The following PAQR5 variants were observed in gnomAD, a reference collection of about 807,000 sequenced individuals.
The protein encoded by PAQR5 is membrane progestin receptor gamma.
PAQR5 carries 20 observed loss-of-function variants against 34.5 expected under a neutral mutation model. The ratio of observed to expected loss-of-function variants is 0.58; its 90% CI spans 0.41 to 0.84. The LOEUF (loss-of-function observed/expected upper bound fraction) is 0.84. Among genes scored for constraint, PAQR5 ranks in the 40% least tolerant of loss-of-function variants. The pLI is 0.00. For synonymous variants in PAQR5, 131 were observed against 155.6 expected (o/e 0.84, Z 1.18); for missense variants, 378 against 412.7 (o/e 0.92, Z 0.73).
chr15:69,325,850 T>A (rs1361661997), intron 1 of PAQR5, among the ~76,000 whole-genome samples: 1 of 152,042 alleles, frequency 6.6e-6, no homozygotes, highest in Non-Finnish European at 1.5e-5. Flanking sequence ...GAAACTAAGG[T>A]TCTGGGTGAA....
intron 1 of PAQR5, among the ~76,000 whole-genome samples, chr15:69,319,119 G>A (rs1235006319): frequency 6.7e-6 from 1 of 148,512 alleles, no homozygotes; most frequent in African/African-American, 2.5e-5. Flanking sequence ...GGGCGACAGA[G>A]CGAGACTCCA....
At chr15:69,306,016 T>C (rs1193311405) in intron 1 of PAQR5, among the ~76,000 whole-genome samples, 1 of 152,202 alleles carries the variant, frequency 6.6e-6, no homozygotes, top group African/African-American at 2.4e-5. Context: ...AACTCTGCTC[T>C]GGACTGTGGG....
intron 1 of PAQR5, among the ~76,000 whole-genome samples, chr15:69,314,208 A>G (rs948281647): frequency 1.4e-5 from 2 of 144,814 alleles, no homozygotes; most frequent in Non-Finnish European, 3.0e-5. Flanking sequence ...TTGTAAGTGG[A>G]AAAAAAAAAA....
rs919352117 is a variant in PAQR5 at position 69,303,599 on chromosome 15, A to G, written c.-277+4543A>G. Among the ~76,000 whole-genome samples the G allele has an allele frequency of 3.8e-4, 43 of 112,050 alleles. 2 individuals carry two copies. The highest frequency in any genetic ancestry group is 9.3e-5 in the Non-Finnish European group (4 of 42,936). 73.5% of individuals were successfully genotyped at this position (112,050 alleles called of 152,430 possible). A position where few individuals can be genotyped will look rare whatever the true frequency, so the allele number is the denominator to read the frequency against. ...GCACATCCAATCAATCAATCAATCA[A>G]TCAGTCAGTCAATCAATTCTCCAGT... On this transcript the variant is annotated intron_variant, in intron 1 of 8. Coordinates refer to ENST00000395407, the MANE Select transcript of PAQR5 (RefSeq NM_017705.4).
At chr15:69,351,356 TTA>T (rs2054913600) in intron 2 of PAQR5, among the ~76,000 whole-genome samples, 2 of 152,248 alleles carry the variant, frequency 1.3e-5, no homozygotes, top group South Asian at 4.1e-4. Context: ...AGACAGTGGA[TTA>T]TCACAAGCTT....
At chr15:69,334,310 G>A (rs923718055) in intron 1 of PAQR5, among the ~76,000 whole-genome samples, 5 of 152,214 alleles carry the variant, frequency 3.3e-5, no homozygotes, top group African/African-American at 4.8e-5. Context: ...TAACAGGCAT[G>A]AGCCACTGCA....
chr15:69,378,634 G>A (rs1050955701), intron 3 of PAQR5, among the ~76,000 whole-genome samples: 7 of 151,856 alleles, frequency 4.6e-5, no homozygotes, highest in African/African-American at 1.5e-4. Flanking sequence ...AACTTATTGT[G>A]ACCTGATTTA....
intron 1 of PAQR5, among the ~76,000 whole-genome samples, chr15:69,307,074 A>G (rs1370557745): frequency 6.7e-6 from 1 of 148,784 alleles, no homozygotes; most frequent in Non-Finnish European, 1.5e-5. Context: ...AAGGCTGCAT[A>G]ATATTCCATT....
rs538216826 is a variant in PAQR5, at chr15:69,370,442, T to C, written c.52-9441T>C. On this transcript the variant is annotated intron_variant, in intron 3 of 8. Coordinates refer to ENST00000395407, the MANE Select transcript of PAQR5 (RefSeq NM_017705.4). Reference sequence around the variant, plus strand: ...TATATGTCTAAATACTTAAAAGTTATAAATGAAGCCAACAAACAGTTATGT... The same window carrying C: ...TATATGTCTAAATACTTAAAAGTTACAAATGAAGCCAACAAACAGTTATGT... Among the ~76,000 whole-genome samples, 5 of 152,348 alleles carry C rather than the reference T, an allele frequency of 3.3e-5. No homozygotes were observed. In the South Asian group the frequency reaches 6.2e-4, roughly 19 times the overall value.
At chr15:69,374,101 G>GAATATTGGACATGTATTTTTAAAA (rs2055636813) in intron 3 of PAQR5, among the ~76,000 whole-genome samples, 1 of 152,134 alleles carries the variant, frequency 6.6e-6, no homozygotes, top group East Asian at 1.9e-4. Flanking sequence ...ATGCTTGACT[G>GAATATTGGACATGTATTTTTAAAA]AATATTGGAC....
chr15:69,379,762 G>T, intron 3 of PAQR5, 121 bp from the exon 4 acceptor site: 1 of 1,330,134 alleles, frequency 7.5e-7, no homozygotes, highest in Admixed American at 2.2e-5. Flanking sequence ...CAGCTTAACA[G>T]GTTAAGGACT....
intron 1 of PAQR5, among the ~76,000 whole-genome samples, chr15:69,306,564 A>G (rs2053721563): frequency 6.6e-6 from 1 of 151,784 alleles, no homozygotes; most frequent in African/African-American, 2.4e-5. Context: ...GGCGCACACC[A>G]CCACTAATTT....
chr15:69,335,720 T>A (rs550286864), intron 1 of PAQR5, among the ~76,000 whole-genome samples: 2 of 151,930 alleles, frequency 1.3e-5, no homozygotes, highest in African/African-American at 4.8e-5. Context: ...GGTTAAAGCA[T>A]TAAAATCATA....
chr15:69,378,966 G>A (rs1351671476), intron 3 of PAQR5, among the ~76,000 whole-genome samples: 1 of 152,102 alleles, frequency 6.6e-6, no homozygotes, highest in Non-Finnish European at 1.5e-5. Flanking sequence ...GAGAACCCTT[G>A]GTCTAAATCA....
rs534673464 is a variant in PAQR5 at position 69,311,699 on chromosome 15, G to A, written c.-277+12643G>A. ...CAACCTGCCCTGCTGTGCTTTTCCC[G>A]TTGAAACCCAATAAAGGATCTGACC... On this transcript the variant is annotated intron_variant, in intron 1 of 8. Transcript: ENST00000395407. Among the ~76,000 whole-genome samples the A allele has an allele frequency of 1.1e-4, 17 of 152,218 alleles. No homozygotes were observed. The East Asian group carries it at 2.3e-3, about 21-fold the overall frequency.
At chr15:69,359,251 T>C (rs2055165650) in intron 2 of PAQR5, among the ~76,000 whole-genome samples, 1 of 152,182 alleles carries the variant, frequency 6.6e-6, no homozygotes, top group African/African-American at 2.4e-5. Context: ...GATTAGGTTT[T>C]GACACATGAA....
intron 1 of PAQR5, among the ~76,000 whole-genome samples, chr15:69,301,361 A>ACTTTCACTTTACCCTT (rs2053601819): frequency 6.6e-6 from 1 of 152,168 alleles, no homozygotes; most frequent in Admixed American, 6.5e-5. Context: ...CCCGCCAAGG[A>ACTTTCACTTTACCCTT]GAGGCCGAGG....
intron 1 of PAQR5, among the ~76,000 whole-genome samples, chr15:69,300,829 T>TCCTA (rs2053558935): frequency 1.3e-5 from 1 of 75,712 alleles, no homozygotes; most frequent in African/African-American, 3.9e-5. Context: ...CTTCCTTCCT[T>TCCTA]CCTTTAGTTC....
At chr15:69,332,277 G>C (rs114990261) in intron 1 of PAQR5, among the ~76,000 whole-genome samples, 1 of 152,172 alleles carries the variant, frequency 6.6e-6, no homozygotes, top group Admixed American at 6.5e-5. Flanking sequence ...CTATAAGCCC[G>C]CTTTTCAAGC....
Sources: allele counts gnomAD v4.1 joint callset (sites outside exome capture counted in the v4.1 genomes callset), GRCh38; gene constraint gnomAD v4.1.1; transcripts MANE v1.5; gene names NCBI Gene and HGNC (gene_info 2026-07-23, HGNC 2026-07-21).